Variants in ME3 observed in about 807,000 individuals in gnomAD.
ME3 encodes NADP-dependent malic enzyme, mitochondrial.
A neutral mutation model predicts 68.9 loss-of-function variants in ME3; 48 were observed. The ratio of observed to expected loss-of-function variants is 0.70; its 90% CI spans 0.55 to 0.89. The LOEUF (loss-of-function observed/expected upper bound fraction) is 0.89, where lower values mean the gene tolerates loss of function less well. ME3 is among the 40% of genes least tolerant of loss of function. ME3 has a pLI of 0.00. For synonymous variants in ME3, 320 were observed against 318.8 expected, an observed-to-expected ratio of 1.00 and a Z score of -0.04; for missense variants, 675 against 797.4, an observed-to-expected ratio of 0.85 and a Z score of 1.85.
the ME3 span, chr11:86,435,862 AATCAACCAGTC>A: frequency 1.3e-5 from 2 of 152,264 alleles, no homozygotes; most frequent in East Asian, 3.8e-4. Context: ...TGGGCCCTTG[AATCAACCAGTC>A]ATTGCCTGTA....
intron 4 of ME3, among the ~76,000 whole-genome samples, chr11:86,526,439 G>A (rs565311209): frequency 4.1e-4 from 62 of 152,292 alleles, no homozygotes; most frequent in African/African-American, 1.4e-3. Flanking sequence ...TCCACCTCTC[G>A]GGGCAGGGCA....
chr11:86,654,151 G>A (rs1031372027), intron 2 of ME3, among the ~76,000 whole-genome samples: 3 of 152,082 alleles, frequency 2.0e-5, no homozygotes, highest in African/African-American at 7.2e-5. Context: ...ATTCACAGCC[G>A]AATTCTACTA....
chr11:86,543,207 A>G (rs1956153128), intron 4 of ME3, among the ~76,000 whole-genome samples: 1 of 152,202 alleles, frequency 6.6e-6, no homozygotes, highest in Admixed American at 6.5e-5. Context: ...AACATACAAA[A>G]ATGTAGAGAC....
chr11:86,446,650 A>G (rs1949318204), intron 12 of ME3, among the ~76,000 whole-genome samples, 163 bp from the exon 13 acceptor site: 1 of 152,228 alleles, frequency 6.6e-6, no homozygotes, highest in Admixed American at 6.5e-5. Flanking sequence ...TTGTCATTTG[A>G]CCAGAAAGCT....
intron 5 of ME3, among the ~76,000 whole-genome samples, chr11:86,498,698 T>C (rs1952522714): frequency 6.6e-6 from 1 of 152,220 alleles, no homozygotes; most frequent in Admixed American, 6.5e-5. Context: ...CTTTTGCATT[T>C]GGCAAAGAAT....
chr11:86,638,324 C>T (rs1417117660), intron 2 of ME3, among the ~76,000 whole-genome samples: 3 of 152,178 alleles, frequency 2.0e-5, no homozygotes, highest in Non-Finnish European at 4.4e-5. Flanking sequence ...AGTGCAAGAG[C>T]AGCACAGCTG....
intron 10 of ME3, among the ~76,000 whole-genome samples, chr11:86,449,139 T>C (rs983233986): frequency 2.0e-5 from 3 of 152,238 alleles, no homozygotes; most frequent in East Asian, 3.8e-4. Context: ...AATGTCCTTA[T>C]GTACTTCCTC....
intron 2 of ME3, among the ~76,000 whole-genome samples, chr11:86,628,875 A>T (rs1204561106): frequency 6.6e-6 from 1 of 152,228 alleles, no homozygotes; most frequent in Non-Finnish European, 1.5e-5. Context: ...GAAACGTTAC[A>T]TGGAGAGAAA....
intron 7 of ME3, among the ~76,000 whole-genome samples, chr11:86,472,050 G>A (rs1950811904): frequency 6.6e-6 from 1 of 152,176 alleles, no homozygotes; most frequent in Non-Finnish European, 1.5e-5. Context: ...ATTAGGAGGT[G>A]GGGCTTGAAG....
chr11:86,494,602 C>T (rs1478153413), intron 6 of ME3, among the ~76,000 whole-genome samples: 1 of 152,040 alleles, frequency 6.6e-6, no homozygotes, highest in Non-Finnish European at 1.5e-5. Context: ...AAGGATCAGA[C>T]CCAGGGAAGG....
chr11:86,551,126 T>C (rs1594409250), intron 4 of ME3, among the ~76,000 whole-genome samples: 1 of 152,214 alleles, frequency 6.6e-6, no homozygotes, highest in East Asian at 1.9e-4. Flanking sequence ...CCATATCCTC[T>C]TATGGGTATG....
intron 4 of ME3, among the ~76,000 whole-genome samples, chr11:86,544,067 A>G (rs1049157879): frequency 2.0e-5 from 3 of 151,874 alleles, no homozygotes; most frequent in Non-Finnish European, 4.4e-5. Context: ...TGGGTAAATA[A>G]TGAAATAAAG....
At chr11:86,612,870 T>C (rs1269659955) in intron 2 of ME3, among the ~76,000 whole-genome samples, 1 of 152,244 alleles carries the variant, frequency 6.6e-6, no homozygotes, top group Non-Finnish European at 1.5e-5. Flanking sequence ...GCCTGTTCAC[T>C]CTGATGCTAG....
chr11:86,544,237 T>C (rs1473851265), intron 4 of ME3, among the ~76,000 whole-genome samples: 1 of 151,766 alleles, frequency 6.6e-6, no homozygotes, highest in Non-Finnish European at 1.5e-5. Context: ...ACATCACAAT[T>C]AAAAGAACTA....
intron 4 of ME3, among the ~76,000 whole-genome samples, chr11:86,537,034 G>A (rs1042302967): frequency 6.8e-6 from 1 of 147,342 alleles, no homozygotes; most frequent in South Asian, 2.1e-4. Flanking sequence ...ACTATCGGAA[G>A]AACAAAAAAC....
intron 2 of ME3, among the ~76,000 whole-genome samples, chr11:86,600,883 A>G (rs1269177756): frequency 6.6e-6 from 1 of 151,380 alleles, no homozygotes; most frequent in Non-Finnish European, 1.5e-5. Context: ...AGGCAGAAAT[A>G]AAGATGTTCT....
intron 4 of ME3, among the ~76,000 whole-genome samples, chr11:86,544,695 C>G (rs993832608): frequency 5.3e-5 from 8 of 152,098 alleles, no homozygotes; most frequent in Non-Finnish European, 1.0e-4. Context: ...CAGCCCAGGA[C>G]CAGACGGATT....
chr11:86,540,616 G>T (rs1247182789), intron 4 of ME3, among the ~76,000 whole-genome samples: 1 of 152,156 alleles, frequency 6.6e-6, no homozygotes, highest in Non-Finnish European at 1.5e-5. Flanking sequence ...CATAGATAAA[G>T]ATTTCAATGT....
At chr11:86,454,164 A>G (rs991703966) in intron 8 of ME3, among the ~76,000 whole-genome samples, 4 of 152,216 alleles carry the variant, frequency 2.6e-5, no homozygotes, top group South Asian at 4.1e-4. Context: ...GTTGTCATCT[A>G]TGGCTGGTGA....
Sources: allele counts gnomAD v4.1 joint callset (sites outside exome capture counted in the v4.1 genomes callset), GRCh38; gene constraint gnomAD v4.1.1; transcripts MANE v1.5; gene names NCBI Gene and HGNC (gene_info 2026-07-23, HGNC 2026-07-21).